Variants in RAPGEF6 observed in about 807,000 individuals in gnomAD.
RAPGEF6 encodes PDZ domain containing guanine nucleotide exchange factor (GEF) 2.
RAPGEF6 carries 56 observed loss-of-function variants against 171.4 expected under a neutral mutation model. The ratio of observed to expected loss-of-function variants is 0.33; its 90% CI spans 0.26 to 0.41. The LOEUF (loss-of-function observed/expected upper bound fraction) is 0.41, where lower values mean the gene tolerates loss of function less well. RAPGEF6 is among the 10% of genes least tolerant of loss of function. The pLI, the probability that RAPGEF6 is intolerant of heterozygous loss-of-function variation, is 1.00. For missense variants in RAPGEF6, 1,674 were observed against 1,921.4 expected (o/e 0.87, Z 2.41); for synonymous variants, 692 against 650.1 (o/e 1.06, Z -0.98).
chr5:131,530,938 T>C (rs1759327418), intron 6 of RAPGEF6, among the ~76,000 whole-genome samples: 1 of 152,208 alleles, frequency 6.6e-6, no homozygotes, highest in Non-Finnish European at 1.5e-5. Context: ...CAGCAATGCT[T>C]GGGCCATATA....
chr5:131,500,796 A>G (rs1430473679), intron 11 of RAPGEF6, among the ~76,000 whole-genome samples: 1 of 152,152 alleles, frequency 6.6e-6, no homozygotes, highest in Non-Finnish European at 1.5e-5. Flanking sequence ...CTGTGAGTTC[A>G]CTGATAGCAG....
intron 1 of RAPGEF6, among the ~76,000 whole-genome samples, chr5:131,617,434 G>C (rs1765337831): frequency 6.6e-6 from 1 of 152,240 alleles, no homozygotes; most frequent in South Asian, 2.1e-4. Context: ...CCACAGAAAA[G>C]ATAAAATATC....
chr5:131,446,961 T>C, intron 21 of RAPGEF6: 1 of 398,298 alleles, frequency 2.5e-6, no homozygotes. Flanking sequence ...AGGCCTGTGT[T>C]TGTGCCTATG....
chr5:131,448,173 C>T (rs1258200914), intron 21 of RAPGEF6, among the ~76,000 whole-genome samples: 1 of 152,024 alleles, frequency 6.6e-6, no homozygotes, highest in Non-Finnish European at 1.5e-5. Context: ...GCACAGAGGG[C>T]AATACTGTAT....
intron 1 of RAPGEF6, among the ~76,000 whole-genome samples, chr5:131,625,786 A>C (rs1250439285): frequency 6.7e-6 from 1 of 150,114 alleles, no homozygotes; most frequent in Non-Finnish European, 1.5e-5. Context: ...ACTGCGCTCC[A>C]GCCTGGGTGA....
At position 131,522,853 on chromosome 5, in the gene RAPGEF6, ACT is replaced by A. The variant is rs1050245045; in HGVS notation, c.496-1334_496-1333del. Among the ~76,000 whole-genome samples the A allele has an allele frequency of 9.2e-5, 14 of 152,182 alleles. No individual in the cohort carries two copies. In the Middle Eastern group the frequency reaches 0.01, roughly 112 times the overall value. On this transcript the variant is annotated intron_variant, in intron 6 of 27. Coordinates refer to ENST00000509018, the MANE Select transcript of RAPGEF6 (RefSeq NM_016340.6). ...ACTGGGACCCTGGAGAGTAAATTAG[ACT>A]CTAGAGTAAATGTCACCCAAAAGTA...
At chr5:131,490,934 T>C (rs1311785441) in intron 14 of RAPGEF6, among the ~76,000 whole-genome samples, 3 of 152,230 alleles carry the variant, frequency 2.0e-5, no homozygotes, top group Non-Finnish European at 4.4e-5. Context: ...AAACAGAAGA[T>C]ACATAATGTT....
intron 11 of RAPGEF6, among the ~76,000 whole-genome samples, chr5:131,503,285 A>C (rs1757142072): frequency 6.6e-6 from 1 of 152,198 alleles, no homozygotes; most frequent in South Asian, 2.1e-4. Flanking sequence ...ATGCAGTGAA[A>C]ATATTAACAG....
At chr5:131,519,119 GCAATAGAA>G (rs1351237708) in intron 7 of RAPGEF6, among the ~76,000 whole-genome samples, 1 of 152,128 alleles carries the variant, frequency 6.6e-6, no homozygotes, top group Non-Finnish European at 1.5e-5. Context: ...CCATGGTCCT[GCAATAGAA>G]CACCTCCAAC....
At chr5:131,510,267 T>C in intron 8 of RAPGEF6, 47 bp downstream of exon 8, 1 of 1,509,042 alleles carries the variant, frequency 6.6e-7, no homozygotes, top group African/African-American at 1.4e-5. Flanking sequence ...TAGGTAACCA[T>C]ATAAATTAAG....
At chr5:131,494,140 G>A (rs1370643913) in intron 13 of RAPGEF6, among the ~76,000 whole-genome samples, 2 of 152,178 alleles carry the variant, frequency 1.3e-5, no homozygotes, top group East Asian at 1.9e-4. Context: ...CAATCTCAAT[G>A]AACTAGGAAC....
chr5:131,573,987 A>C (rs887931899), intron 4 of RAPGEF6, among the ~76,000 whole-genome samples: 1 of 152,194 alleles, frequency 6.6e-6, no homozygotes, highest in East Asian at 1.9e-4. Flanking sequence ...AACAGAGAAG[A>C]AGCCACCAAG....
At position 131,430,998 on chromosome 5, in the gene RAPGEF6, C is replaced by A; in HGVS notation, c.4326G>T (p.Thr1442=). 1 of 1,614,154 alleles carries A rather than the reference C, an allele frequency of 6.2e-7. No homozygotes were observed. Among genetic ancestry groups the A allele is most frequent in the Admixed American group, 1.7e-5 (1 of 60,006 alleles). Residue 1442 remains threonine, a synonymous_variant, in exon 26 of 28, where the codon ACG becomes ACT. Transcript: ENST00000509018. The stretch of plus-strand genomic sequence containing the variant: ...TAACTGTCCCATAGTTTGGTTCATA[C>A]GTGTCAGACAGAGAACTGGAGGAGG... The part of the protein sequence containing the change: ...SWTSSSSLSD[T]YEPNYGTVKQ...
intron 24 of RAPGEF6, chr5:131,436,205 T>C: frequency 6.5e-7 from 1 of 1,537,662 alleles, no homozygotes; most frequent in East Asian, 2.4e-5. Flanking sequence ...CTTTTTCTGG[T>C]TGTGTTCTCA....
At chr5:131,470,325 T>C (rs970524879) in intron 17 of RAPGEF6, among the ~76,000 whole-genome samples, 3 of 152,228 alleles carry the variant, frequency 2.0e-5, no homozygotes, top group Non-Finnish European at 2.9e-5. Flanking sequence ...GTAATCAACT[T>C]GAAATCAAGT....
Position 131,521,389 on chromosome 5 carries a change from C to A in RAPGEF6, c.627+1G>T. ...CAGCATACAAATTCCTAAGGTATTA[C>A]CTGATAGATATCAGATAAACTGCTG... On this transcript the variant is annotated splice_donor_variant, in intron 7 of 27. Coordinates refer to ENST00000509018, the MANE Select transcript of RAPGEF6 (RefSeq NM_016340.6). LOFTEE classifies it high-confidence loss of function. 6.2e-7 allele frequency: 1 copy of A among 1,603,188 alleles called. No homozygotes were observed. Among genetic ancestry groups the A allele is most frequent in the Non-Finnish European group, 8.5e-7 (1 of 1,175,452 alleles).
chr5:131,491,680 C>T (rs1048442477), intron 14 of RAPGEF6, among the ~76,000 whole-genome samples: 2 of 152,142 alleles, frequency 1.3e-5, no homozygotes, highest in Admixed American at 1.3e-4. Context: ...AGTGTGAACC[C>T]TGTTGAGAAC....
intron 2 of RAPGEF6, 84 bp from the exon 3 acceptor site, chr5:131,603,411 C>G (rs1192403576): frequency 3.4e-6 from 3 of 883,216 alleles, no homozygotes; most frequent in African/African-American, 1.7e-5. Context: ...TTATTATAAT[C>G]TAATTGATTG....
intron 1 of RAPGEF6, among the ~76,000 whole-genome samples, chr5:131,609,365 G>C (rs2150022008): frequency 6.6e-6 from 1 of 152,306 alleles, no homozygotes; most frequent in South Asian, 2.1e-4. Context: ...AAAAAGATCA[G>C]GGACAAGGAG....
Sources: gnomAD v4.1 joint callset for allele counts (sites outside exome capture counted in the v4.1 genomes callset) on GRCh38, gnomAD v4.1.1 for gene constraint, MANE v1.5 for transcripts, NCBI Gene and HGNC (gene_info 2026-07-23, HGNC 2026-07-21) for gene names.